The following FZD6 variants were observed in gnomAD, a reference collection of about 807,000 sequenced individuals.
FZD6 encodes frizzled class receptor 6, also known as frizzled-6.
FZD6 carries 49 observed loss-of-function variants against 61.4 expected under a neutral mutation model. The ratio of observed to expected loss-of-function variants is 0.80; its 90% CI spans 0.63 to 1.01. The LOEUF is 1.01. Ranked by LOEUF, FZD6 falls within the 50% of genes least tolerant of loss-of-function variation. The probability of loss-of-function intolerance (pLI) is 0.00; values close to 1 mark genes in which losing one functional copy is unlikely to be tolerated. For synonymous variants in FZD6, 265 were observed against 292.2 expected, an observed-to-expected ratio of 0.91 and a Z score of 0.95; for missense variants, 724 against 848.2, an observed-to-expected ratio of 0.85 and a Z score of 1.82.
intron 1 of FZD6, 97 bp from the exon 2 acceptor site, chr8:103,299,859 G>A: frequency 2.2e-6 from 1 of 455,940 alleles, no homozygotes; most frequent in Non-Finnish European, 4.1e-6. Context: ...TTTTTCCAGT[G>A]TTTGTTACCT....
chr8:103,316,258 C>A (rs1305821876), intron 2 of FZD6, among the ~76,000 whole-genome samples: 2 of 152,158 alleles, frequency 1.3e-5, no homozygotes, highest in Non-Finnish European at 2.9e-5. Context: ...ACAGACTTGT[C>A]ATACACCTAG....
chr8:103,317,274 G>T (rs1043984462), intron 2 of FZD6, among the ~76,000 whole-genome samples: 6 of 152,156 alleles, frequency 3.9e-5, no homozygotes, highest in Non-Finnish European at 7.3e-5. Flanking sequence ...GAGACAAAGT[G>T]GTCAGAAATG....
At chr8:103,322,172 C>A (rs1245003292) in intron 3 of FZD6, among the ~76,000 whole-genome samples, 4 of 152,220 alleles carry the variant, frequency 2.6e-5, no homozygotes, top group African/African-American at 7.2e-5. Context: ...GATCAAAATG[C>A]TGACTATACT....
At chr8:103,301,699 A>C (rs900553443) in intron 2 of FZD6, among the ~76,000 whole-genome samples, 6 of 152,140 alleles carry the variant, frequency 3.9e-5, no homozygotes, top group Non-Finnish European at 7.4e-5. Flanking sequence ...GAGCTACTGC[A>C]CCTGGCTGAC....
At chr8:103,312,374 T>TCA (rs1238361470) in intron 2 of FZD6, among the ~76,000 whole-genome samples, 19 of 152,356 alleles carry the variant, frequency 1.2e-4, no homozygotes, top group African/African-American at 4.3e-4. Flanking sequence ...AGCACTGGGT[T>TCA]ACTAAGAGAG....
intron 1 of FZD6, among the ~76,000 whole-genome samples, chr8:103,299,463 C>T (rs1156397901): frequency 3.3e-5 from 5 of 152,194 alleles, no homozygotes; most frequent in Non-Finnish European, 7.3e-5. Context: ...CTAAAAGTCT[C>T]CCTCTAGTTG....
rs1271758222 is a variant in FZD6 at position 103,325,487 on chromosome 8, T to C, written c.1381T>C (p.Cys461Arg). Residue 461 changes from cysteine to arginine, a missense_variant, in exon 4 of 7, where the codon TGT (cysteine) becomes CGT (arginine). Transcript: ENST00000358755. ...TCATTGTCGTCAGTACCATATCCCA[T>C]GTCCTTATCAGGTAAAAGCTATCAC... ...SDHCRQYHIP[C>R]PYQAKAKARP... 1.2e-6 allele frequency: 2 copies of C among 1,609,748 alleles called. No individual in the cohort carries two copies. Among genetic ancestry groups the C allele is most frequent in the Non-Finnish European group, 1.7e-6 (2 of 1,176,160 alleles).
In FZD6 at chr8:103,328,390, GT is replaced by G; in HGVS notation, c.1521del (p.Phe507LeufsTer25). ...AAAAGACATGCACAGAATGGGCTGGGTTTTTTAAACGAAATCGCAAGAGAGA... is the reference window on the plus strand; with the variant it reads ...AAAAGACATGCACAGAATGGGCTGGGTTTTTAAACGAAATCGCAAGAGAGA... ...SKKTCTEWAG[F>X]FKRNRKRDPI... is the part of the protein sequence containing the mutation. On this transcript the variant is annotated frameshift_variant, in exon 5 of 7. Coordinates refer to ENST00000358755, the MANE Select transcript of FZD6 (RefSeq NM_003506.4). LOFTEE classifies it high-confidence loss of function. 1 of 1,613,140 alleles carries G rather than the reference GT, an allele frequency of 6.2e-7. No individual in the cohort carries two copies. Among genetic ancestry groups the G allele is most frequent in the Non-Finnish European group, 8.5e-7 (1 of 1,179,264 alleles).
chr8:103,315,042 T>G, intron 2 of FZD6, among the ~76,000 whole-genome samples: 1 of 152,200 alleles, frequency 6.6e-6, no homozygotes. Flanking sequence ...TCCCAAAGCT[T>G]ATAGGGAGCC....
At chr8:103,320,315 A>C (rs375192886) in intron 3 of FZD6, among the ~76,000 whole-genome samples, 1 of 152,090 alleles carries the variant, frequency 6.6e-6, no homozygotes, top group South Asian at 2.1e-4. Flanking sequence ...GGCGATCCTG[A>C]ATGTGTGGAT....
chr8:103,331,278 G>GA, intron 6 of FZD6, 63 bp from the exon 7 acceptor site: 1 of 1,155,546 alleles, frequency 8.7e-7, no homozygotes, highest in Non-Finnish European at 1.3e-6. Context: ...TGAAACTCAT[G>GA]AAAAATGGCA....
At chr8:103,320,606 G>T (rs1327329636) in intron 3 of FZD6, among the ~76,000 whole-genome samples, 1 of 151,706 alleles carries the variant, frequency 6.6e-6, no homozygotes, top group African/African-American at 2.4e-5. Flanking sequence ...TTTTTTAAAG[G>T]CATAATGAGG....
chr8:103,310,101 A>C (rs1313354959), intron 2 of FZD6, among the ~76,000 whole-genome samples: 2 of 152,166 alleles, frequency 1.3e-5, no homozygotes, highest in Non-Finnish European at 1.5e-5. Context: ...GAGCCTTGTC[A>C]TGTGTCCCCA....
At chr8:103,299,363 G>A (rs1814078759) in intron 1 of FZD6, among the ~76,000 whole-genome samples, 1 of 152,250 alleles carries the variant, frequency 6.6e-6, no homozygotes, top group African/African-American at 2.4e-5. Flanking sequence ...CCCTTCCCCC[G>A]GGACAGATTT....
In FZD6 at chr8:103,332,370, A is replaced by G. The variant is rs1191239268; in HGVS notation, c.*861A>G. Reference sequence around the variant, plus strand: ...TTCATGACCACCCATTGATTGTATTATAACCACTTACAGTTGCTTATATTT... The same window carrying G: ...TTCATGACCACCCATTGATTGTATTGTAACCACTTACAGTTGCTTATATTT... On this transcript the variant is annotated 3_prime_UTR_variant, in exon 7 of 7. Transcript: ENST00000358755. 6.6e-6 allele frequency: 1 copy of G among 152,182 alleles called. No homozygotes were observed. The highest frequency in any genetic ancestry group is 2.1e-4 in the South Asian group (1 of 4,832). The allele number at this position is 152,182 out of a possible 1,614,324, so 9.4% of individuals were successfully genotyped here.
chr8:103,314,803 T>C (rs769634914), intron 2 of FZD6, among the ~76,000 whole-genome samples: 30 of 152,352 alleles, frequency 2.0e-4, no homozygotes, highest in Non-Finnish European at 4.0e-4. Flanking sequence ...AAAGCAGATA[T>C]ATTGAAATTT....
At chr8:103,316,824 G>T (rs1814638624) in intron 2 of FZD6, among the ~76,000 whole-genome samples, 1 of 151,884 alleles carries the variant, frequency 6.6e-6, no homozygotes, top group Admixed American at 6.6e-5. Context: ...GATATGCTTT[G>T]TCAGTGTTCA....
At chr8:103,328,553 AT>A (rs926092172) in intron 5 of FZD6, 137 bp downstream of exon 5, 9 of 715,238 alleles carry the variant, frequency 1.3e-5, no homozygotes, top group Non-Finnish European at 1.9e-5. Context: ...AAGTTTGGAA[AT>A]TTTTTTTATG....
Position 103,317,741 on chromosome 8 carries a change from G to T in FZD6, c.178-849G>T, listed in dbSNP as rs187013112. 1.1e-3 allele frequency among the ~76,000 whole-genome samples: 161 copies of T among 151,338 alleles called. 1 individual carries two copies. Among genetic ancestry groups the T allele is most frequent in the African/African-American group, 3.2e-3 (133 of 41,264 alleles). ...CTTGGGAGGCTGAGGCAGGAGAATTGCTTGAACCTGGGAGGCAGAGGTTGT... is the reference window on the plus strand; with the variant it reads ...CTTGGGAGGCTGAGGCAGGAGAATTTCTTGAACCTGGGAGGCAGAGGTTGT... On this transcript the variant is annotated intron_variant, in intron 2 of 6. Transcript: ENST00000358755.
Sources: allele counts gnomAD v4.1 joint callset (sites outside exome capture counted in the v4.1 genomes callset), GRCh38; gene constraint gnomAD v4.1.1; transcripts MANE v1.5; gene names NCBI Gene and HGNC (gene_info 2026-07-23, HGNC 2026-07-21).